PM20D2: variants seen among roughly 807,000 people sequenced by gnomAD.
PM20D2 encodes xaa-Arg dipeptidase.
Under a neutral mutation model 42.9 loss-of-function variants are expected in PM20D2, and 33 were observed. That is an observed-to-expected ratio of 0.77 (90% CI 0.58 to 1.03). The LOEUF (loss-of-function observed/expected upper bound fraction) is 1.03, where lower values mean the gene tolerates loss of function less well. Among genes scored for constraint, PM20D2 ranks in the 50% least tolerant of loss-of-function variants. The pLI is 0.00. For missense variants in PM20D2, 548 were observed against 557.0 expected, an observed-to-expected ratio of 0.98 and a Z score of 0.16; for synonymous variants, 250 against 228.2, an observed-to-expected ratio of 1.10 and a Z score of -0.86.
At chr6:89,119,425 C>T in the PM20D2 span, among the ~76,000 whole-genome samples, 1,065 of 152,200 alleles carry the variant, frequency 7.0e-3, 15 homozygotes, top group African/African-American at 0.025. Flanking sequence ...TGGAACAGCA[C>T]GTGCAAAGGC....
At chr6:89,152,955 A>G in intron 2 of PM20D2, 88 bp from the exon 3 acceptor site, 1 of 1,036,354 alleles carries the variant, frequency 9.6e-7, no homozygotes, top group Non-Finnish European at 1.4e-6. Flanking sequence ...ATTAATTTTG[A>G]ATAGTAGTTG....
upstream of PM20D2, among the ~76,000 whole-genome samples, chr6:89,141,112 TC>T (rs1257115184): frequency 6.6e-6 from 1 of 152,150 alleles, no homozygotes; most frequent in East Asian, 1.9e-4. Context: ...GACAACTGCA[TC>T]TACCTCCTCT....
rs150346329 is a variant in PM20D2, at chr6:89,161,393, T to C, written c.1049-390T>C. 2.8e-3 allele frequency among the ~76,000 whole-genome samples: 430 copies of C among 152,254 alleles called. 5 individuals carry two copies. The highest frequency in any genetic ancestry group is 9.7e-3 in the African/African-American group (402 of 41,538). ...GGAATGGAGTCTCCCGTAACTATTATTTCATCGTCAGGTAGAGGGGGCTCT... is the reference window on the plus strand; with the variant it reads ...GGAATGGAGTCTCCCGTAACTATTACTTCATCGTCAGGTAGAGGGGGCTCT... On this transcript the variant is annotated intron_variant, in intron 5 of 6. Coordinates refer to ENST00000275072, the MANE Select transcript of PM20D2 (RefSeq NM_001010853.3).
the PM20D2 span, chr6:89,099,074 T>G: frequency 8.4e-7 from 1 of 1,191,268 alleles, no homozygotes; most frequent in Non-Finnish European, 1.1e-6. Context: ...CTAAAAAAAT[T>G]TCTCATTTTA....
chr6:89,155,472 T>A (rs550813900), intron 4 of PM20D2, among the ~76,000 whole-genome samples: 7 of 151,728 alleles, frequency 4.6e-5, no homozygotes, highest in South Asian at 2.1e-4. Flanking sequence ...TATGTTTTTC[T>A]GGAGACAGGG....
At chr6:89,116,777 AAAAAAAAAAAAAACT>A in the PM20D2 span, among the ~76,000 whole-genome samples, 2 of 147,040 alleles carry the variant, frequency 1.4e-5, no homozygotes, top group African/African-American at 2.6e-5. Flanking sequence ...CTTTGTCTAA[AAAAAAAAAAAAAACT>A]AAAAAATAAA....
chr6:89,151,716 T>A (rs1253863267), intron 2 of PM20D2, among the ~76,000 whole-genome samples: 1 of 152,230 alleles, frequency 6.6e-6, no homozygotes, highest in East Asian at 1.9e-4. Flanking sequence ...TCTGGCTTTT[T>A]AAAATTAAAT....
chr6:89,146,777 G>A (rs1223578509), intron 1 of PM20D2, among the ~76,000 whole-genome samples, 168 bp downstream of exon 1: 1 of 152,240 alleles, frequency 6.6e-6, no homozygotes, highest in Non-Finnish European at 1.5e-5. Flanking sequence ...CAGGAGCAGA[G>A]CTGAACCCCC....
the PM20D2 span, chr6:89,118,002 C>G: frequency 3.5e-6 from 4 of 1,155,142 alleles, no homozygotes; most frequent in Admixed American, 1.2e-4. Context: ...ACCCCCACCC[C>G]TCGGCCTCAG....
the PM20D2 span, chr6:89,098,873 G>A: frequency 1.2e-6 from 2 of 1,613,860 alleles, no homozygotes; most frequent in Non-Finnish European, 1.7e-6. Context: ...TGACTGCCTT[G>A]CTGAGGTAGA....
intron 3 of PM20D2, 42 bp from the exon 4 acceptor site, chr6:89,154,706 T>C (rs752327505): frequency 1.4e-6 from 2 of 1,388,618 alleles, no homozygotes; most frequent in South Asian, 1.6e-5. Context: ...CTTAAAGAAA[T>C]GGTCACCAAG....
At chr6:89,121,267 G>C in the PM20D2 span, among the ~76,000 whole-genome samples, 2 of 146,220 alleles carry the variant, frequency 1.4e-5, no homozygotes, top group Admixed American at 6.7e-5. Flanking sequence ...ACATAAAAAC[G>C]TATGTTCTTT....
Position 89,153,050 on chromosome 6 carries a change from G to T in PM20D2, c.622G>T (p.Val208Leu), listed in dbSNP as rs377565760. 145 of 1,595,192 alleles carry T rather than the reference G, an allele frequency of 9.1e-5. 1 individual carries two copies. In the Middle Eastern group the frequency reaches 3.0e-3, roughly 33 times the overall value. The change falls in exon 3 of 7, where the codon GTG becomes TTG. Residue 208 changes from valine to leucine, a missense_variant. By Grantham distance (32) the Val-to-Leu change is conservative. Transcript: ENST00000275072. Reference protein sequence around the residue: ...LPDMAEHDVTVKYYGKASHSA... With the variant: ...LPDMAEHDVTLKYYGKASHSA... ...TGATTTTTTATTTCCTAGTGTGACT[G>T]TGAAATACTATGGAAAAGCATCTCA...
intron 1 of PM20D2, among the ~76,000 whole-genome samples, chr6:89,146,879 C>T (rs868284525): frequency 6.6e-6 from 1 of 152,366 alleles, no homozygotes. Context: ...TGAGTTGTTC[C>T]CTTAGGAAAG....
intron 3 of PM20D2, among the ~76,000 whole-genome samples, chr6:89,153,791 G>A (rs867821838): frequency 8.6e-5 from 13 of 152,020 alleles, no homozygotes; most frequent in East Asian, 3.8e-4. Context: ...TTGCAGAGAC[G>A]GGGTCTTGCT....
At chr6:89,116,612 T>C in the PM20D2 span, among the ~76,000 whole-genome samples, 4 of 151,884 alleles carry the variant, frequency 2.6e-5, no homozygotes, top group African/African-American at 9.7e-5. Context: ...TCATCTCTAC[T>C]AAAAATATAA....
intron 2 of PM20D2, among the ~76,000 whole-genome samples, chr6:89,151,537 T>C (rs1770842184): frequency 6.6e-6 from 1 of 152,214 alleles, no homozygotes; most frequent in Admixed American, 6.5e-5. Flanking sequence ...CACAAATTTC[T>C]AATGAATAAG....
chr6:89,155,345 G>T (rs767908435), intron 4 of PM20D2, among the ~76,000 whole-genome samples: 51 of 136,694 alleles, frequency 3.7e-4, no homozygotes, highest in Non-Finnish European at 6.7e-4. Context: ...CACGATCTTG[G>T]CTCACTACAA....
chr6:89,120,429 A>G, the PM20D2 span, among the ~76,000 whole-genome samples: 1 of 152,186 alleles, frequency 6.6e-6, no homozygotes, highest in Admixed American at 6.5e-5. Context: ...CATTCAAACC[A>G]CTACATTGAC....
Sources: gnomAD v4.1 joint callset for allele counts (sites outside exome capture counted in the v4.1 genomes callset) on GRCh38, gnomAD v4.1.1 for gene constraint, MANE v1.5 for transcripts, NCBI Gene and HGNC (gene_info 2026-07-23, HGNC 2026-07-21) for gene names.